The following RGS9 variants were observed in gnomAD, a reference collection of about 807,000 sequenced individuals.
The protein encoded by RGS9 is regulator of G protein signaling 9.
In RGS9, 78 loss-of-function variants were observed where a neutral mutation model predicts 102.0. The ratio of observed to expected loss-of-function variants is 0.76; its 90% CI spans 0.64 to 0.92. The LOEUF is 0.92. Among genes scored for constraint, RGS9 ranks in the 40% least tolerant of loss-of-function variants. The pLI is 0.00. For synonymous variants in RGS9, 353 were observed against 318.6 expected (o/e 1.11, Z -1.15); for missense variants, 833 against 866.1 (o/e 0.96, Z 0.48).
intron 9 of RGS9, among the ~76,000 whole-genome samples, chr17:65,184,991 T>C (rs1442286254): frequency 6.6e-6 from 1 of 152,050 alleles, no homozygotes; most frequent in Non-Finnish European, 1.5e-5. Flanking sequence ...GTCCTCAGCC[T>C]CCAGTAGTTG....
chr17:65,146,578 T>C (rs1420686741), intron 1 of RGS9, among the ~76,000 whole-genome samples: 2 of 123,006 alleles, frequency 1.6e-5, no homozygotes, highest in South Asian at 2.5e-4. Flanking sequence ...AGAGCAAGAC[T>C]GTCTCAAAAA....
intron 4 of RGS9, 36 bp downstream of exon 4, chr17:65,160,375 G>A: frequency 1.3e-6 from 2 of 1,576,042 alleles, no homozygotes; most frequent in Non-Finnish European, 1.7e-6. Context: ...GTTCATATGG[G>A]GTTGATCTCA....
Position 65,153,511 on chromosome 17 carries a change from C to T in RGS9, c.147C>T (p.Ala49=). Reference sequence around the variant, plus strand: ...TCCTGGTCACCAGCGTTCCTCATGCCATGACAGGTGATGTAGCTTGCACTT... The same window carrying T: ...TCCTGGTCACCAGCGTTCCTCATGCTATGACAGGTGATGTAGCTTGCACTT... ...QRVLVTSVPH[A]MTGSDVLQWI... Residue 49 remains alanine, a synonymous_variant, in exon 2 of 19, where the codon GCC becomes GCT. Coordinates refer to ENST00000262406, the MANE Select transcript of RGS9 (RefSeq NM_003835.4). The T allele has an allele frequency of 6.2e-7, 1 of 1,613,164 alleles. No homozygotes were observed.
intron 15 of RGS9, 81 bp downstream of exon 15, chr17:65,204,382 A>G (rs959221220): frequency 7.3e-6 from 11 of 1,510,800 alleles, no homozygotes; most frequent in South Asian, 3.5e-5. Context: ...TAGATATAGG[A>G]AAAAGAGAGA....
At chr17:65,224,943 G>GCCC in intron 17 of RGS9, 59 bp from the exon 18 acceptor site, 1 of 1,605,854 alleles carries the variant, frequency 6.2e-7, no homozygotes, top group Non-Finnish European at 8.5e-7. Context: ...CAGCCCAGGG[G>GCCC]CCCTGCTGGC....
Position 65,212,483 on chromosome 17 carries a change from C to T in RGS9, c.1407+1878C>T, listed in dbSNP as rs530080170. 3.2e-4 allele frequency among the ~76,000 whole-genome samples: 48 copies of T among 152,110 alleles called. 2 individuals carry two copies. Among genetic ancestry groups the T allele is most frequent in the Admixed American group, 2.3e-3 (35 of 15,266 alleles). ...GAGCATGTGGACCAGGCAGGGAGAA[C>T]GTTCTGGGGAGAGAGGGCTGTGTGG... On this transcript the variant is annotated intron_variant, in intron 17 of 18. Coordinates refer to ENST00000262406, the MANE Select transcript of RGS9 (RefSeq NM_003835.4).
At chr17:65,164,790 G>A (rs776320773) in intron 7 of RGS9, among the ~76,000 whole-genome samples, 1 of 152,156 alleles carries the variant, frequency 6.6e-6, no homozygotes, top group Non-Finnish European at 1.5e-5. Flanking sequence ...GAAACAACAC[G>A]GGTTATCTTT....
chr17:65,208,464 C>G (rs745446787), intron 16 of RGS9, among the ~76,000 whole-genome samples: 20 of 152,122 alleles, frequency 1.3e-4, no homozygotes, highest in Non-Finnish European at 7.4e-5. Context: ...GCTAGGTATT[C>G]TTGCTGCCTC....
rs1483213182 is a variant in RGS9 at position 65,137,576 on chromosome 17, G to A, written c.36G>A (p.Pro12=). 3 of 1,613,096 alleles carry A rather than the reference G, an allele frequency of 1.9e-6. No individual in the cohort carries two copies. Among genetic ancestry groups the A allele is most frequent in the Middle Eastern group, 1.8e-4 (1 of 5,412 alleles). ...TIRHQGQQYR[P]RMAFLQKIEA... is the part of the protein sequence containing the mutation. ...GACACCAAGGCCAGCAGTACAGGCCGAGGATGGCATTTCTCCAAAAGGTAA... is the reference window on the plus strand; with the variant it reads ...GACACCAAGGCCAGCAGTACAGGCCAAGGATGGCATTTCTCCAAAAGGTAA... The change falls in exon 1 of 19, where the codon CCG becomes CCA. Residue 12 remains proline (P), a synonymous_variant. Transcript: ENST00000262406.
At chr17:65,217,656 G>A (rs953766973) in intron 17 of RGS9, among the ~76,000 whole-genome samples, 8 of 152,192 alleles carry the variant, frequency 5.3e-5, no homozygotes, top group African/African-American at 1.7e-4. Context: ...GGAGGGTTGA[G>A]AGGAGGCATT....
At position 65,163,093 on chromosome 17, in the gene RGS9, A is replaced by T; in HGVS notation, c.500+4A>T. 1 of 1,540,624 alleles carries T rather than the reference A, an allele frequency of 6.5e-7. No homozygotes were observed. Among genetic ancestry groups the T allele is most frequent in the Non-Finnish European group, 9.0e-7 (1 of 1,115,118 alleles). On this transcript the variant is annotated splice_donor_region_variant and intron_variant, in intron 7 of 18. Transcript: ENST00000262406. Reference sequence around the variant, plus strand: ...TGCAGGCCAAAGAGCAGTACAGGTGAGTGAAAGGAGACCATGCTTGTCCTC... The same window carrying T: ...TGCAGGCCAAAGAGCAGTACAGGTGTGTGAAAGGAGACCATGCTTGTCCTC...
rs1905567226 is a variant in RGS9, at chr17:65,225,000, A to C, written c.1408-2A>C. 1 of 1,613,398 alleles carries C rather than the reference A, an allele frequency of 6.2e-7. No homozygotes were observed. Among genetic ancestry groups the C allele is most frequent in the Admixed American group, 1.7e-5 (1 of 59,992 alleles). ...TGAGCTCTCTCCTTTCCTTCTCTAC[A>C]GCCGGGCCAGCACATGGCTCCCAGC... On this transcript the variant is annotated splice_acceptor_variant, in intron 17 of 18. Transcript: ENST00000262406. LOFTEE classifies it high-confidence loss of function.
chr17:65,151,877 A>T (rs1910594062), intron 1 of RGS9, among the ~76,000 whole-genome samples: 1 of 152,128 alleles, frequency 6.6e-6, no homozygotes, highest in Non-Finnish European at 1.5e-5. Flanking sequence ...ATTAATTCAC[A>T]CATCACTTGC....
intron 17 of RGS9, among the ~76,000 whole-genome samples, chr17:65,215,718 G>A (rs903803720): frequency 3.8e-5 from 5 of 130,636 alleles, no homozygotes; most frequent in Admixed American, 7.2e-5. Flanking sequence ...CCACCACCAC[G>A]CCTGGCTAAT....
At chr17:65,154,334 G>T (rs755986813) in intron 2 of RGS9, among the ~76,000 whole-genome samples, 4 of 152,064 alleles carry the variant, frequency 2.6e-5, no homozygotes, top group African/African-American at 9.7e-5. Context: ...ACTATCTAGC[G>T]CTCTACAGAG....
At chr17:65,204,486 G>C (rs1295600041) in intron 15 of RGS9, among the ~76,000 whole-genome samples, 185 bp downstream of exon 15, 1 of 152,180 alleles carries the variant, frequency 6.6e-6, no homozygotes, top group African/African-American at 2.4e-5. Context: ...TGAGATGGGA[G>C]GATATCTTGA....
At chr17:65,162,974 C>T (rs1301646129) in intron 6 of RGS9, 39 bp from the exon 7 acceptor site, 3 of 1,169,164 alleles carry the variant, frequency 2.6e-6, no homozygotes, top group Non-Finnish European at 3.8e-6. Context: ...TGGCATATGT[C>T]TTGGGGCTTT....
chr17:65,137,715 C>T (rs1219859951), intron 1 of RGS9, 118 bp downstream of exon 1: 21 of 850,506 alleles, frequency 2.5e-5, no homozygotes, highest in Non-Finnish European at 4.1e-5. Context: ...TTGTGCTGCT[C>T]GATTTTATTA....
intron 11 of RGS9, among the ~76,000 whole-genome samples, chr17:65,192,520 G>A (rs762351316): frequency 3.9e-5 from 6 of 151,970 alleles, no homozygotes; most frequent in South Asian, 2.1e-4. Context: ...ACACTGACGT[G>A]GGAGGACGGC....
Sources: gnomAD v4.1 joint callset for allele counts (sites outside exome capture counted in the v4.1 genomes callset) on GRCh38, gnomAD v4.1.1 for gene constraint, MANE v1.5 for transcripts, NCBI Gene and HGNC (gene_info 2026-07-23, HGNC 2026-07-21) for gene names.